The following CPB2 variants were observed in gnomAD, a reference collection of about 807,000 sequenced individuals.
CPB2 encodes carboxypeptidase B-like protein.
CPB2 carries 54 observed loss-of-function variants against 57.0 expected under a neutral mutation model. That is an observed-to-expected ratio of 0.95 (90% CI 0.76 to 1.19). The LOEUF (loss-of-function observed/expected upper bound fraction) is 1.19, where lower values mean the gene tolerates loss of function less well. CPB2 is among the 50% of genes most tolerant of loss of function. CPB2 has a pLI of 0.00. For missense variants in CPB2, 426 were observed against 512.0 expected (o/e 0.83, Z 1.62); for synonymous variants, 189 against 178.1 (o/e 1.06, Z -0.49).
At chr13:46,094,574 C>T in intron 1 of CPB2, among the ~76,000 whole-genome samples, 1 of 152,098 alleles carries the variant, frequency 6.6e-6, no homozygotes. Flanking sequence ...GTTAAGATCC[C>T]TGTATAGAGA....
intron 2 of CPB2, among the ~76,000 whole-genome samples, chr13:46,086,333 G>A (rs956762858): frequency 1.3e-5 from 2 of 152,182 alleles, no homozygotes; most frequent in African/African-American, 4.8e-5. Context: ...ACGTGGACAA[G>A]CGGAGGGTGA....
chr13:46,068,481 A>C (rs568247795), intron 6 of CPB2, among the ~76,000 whole-genome samples: 28 of 152,364 alleles, frequency 1.8e-4, no homozygotes, highest in African/African-American at 6.3e-4. Context: ...GTCAGAAATA[A>C]AAGGTTAATG....
intron 2 of CPB2, among the ~76,000 whole-genome samples, chr13:46,084,589 C>A (rs2045171467): frequency 6.6e-6 from 1 of 151,926 alleles, no homozygotes. Flanking sequence ...ACAAGATAAT[C>A]CATAAATATT....
intron 2 of CPB2, among the ~76,000 whole-genome samples, chr13:46,086,572 G>T (rs1189861589): frequency 6.6e-6 from 1 of 152,198 alleles, no homozygotes; most frequent in Non-Finnish European, 1.5e-5. Context: ...AGTGAGTGCT[G>T]ATTGGTTCAT....
At chr13:46,058,106 G>A in intron 9 of CPB2, 73 bp downstream of exon 9, 1 of 1,446,406 alleles carries the variant, frequency 6.9e-7, no homozygotes, top group Non-Finnish European at 9.5e-7. Flanking sequence ...ATTTTTCCCA[G>A]TTTTTGATTC....
chr13:46,056,460 T>C (rs2044698137), intron 9 of CPB2, among the ~76,000 whole-genome samples: 1 of 152,218 alleles, frequency 6.6e-6, no homozygotes, highest in Non-Finnish European at 1.5e-5. Context: ...TTCTCACTTA[T>C]CTGGAACTTT....
intron 6 of CPB2, among the ~76,000 whole-genome samples, chr13:46,070,336 G>A (rs142246089): frequency 4.1e-4 from 63 of 152,098 alleles, no homozygotes; most frequent in African/African-American, 1.5e-3. Context: ...TTGTTTATTG[G>A]GTATATTGAG....
intron 5 of CPB2, among the ~76,000 whole-genome samples, chr13:46,078,402 T>A (rs887246636): frequency 6.6e-6 from 1 of 152,166 alleles, no homozygotes; most frequent in South Asian, 2.1e-4. Context: ...TTTATGGAAA[T>A]GTTAAATGGC....
At chr13:46,093,970 T>C (rs1378638631) in intron 1 of CPB2, among the ~76,000 whole-genome samples, 3 of 152,364 alleles carry the variant, frequency 2.0e-5, no homozygotes, top group African/African-American at 7.2e-5. Context: ...TATGCTTTTC[T>C]GTATTATTTA....
Position 46,084,225 on chromosome 13 carries a change from G to A in CPB2, c.269C>T (p.Pro90Leu), listed in dbSNP as rs750961153. ...CGTATTGAACGGTGCCTACCTGCATGGAATTCCGCTCACATTTAAATGGGC... is the reference window on the plus strand; with the variant it reads ...CGTATTGAACGGTGCCTACCTGCATAGAATTCCGCTCACATTTAAATGGGC... ...VKAHLNVSGI[P>L]CSVLLADVED... The change falls in exon 3 of 11, where the codon CCA becomes CTA. Residue 90 changes from proline (P) to leucine (L), a missense_variant. Transcript: ENST00000181383. 1 of 1,614,102 alleles carries A rather than the reference G, an allele frequency of 6.2e-7. No individual in the cohort carries two copies. Among genetic ancestry groups the A allele is most frequent in the Non-Finnish European group, 8.5e-7 (1 of 1,179,990 alleles).
At chr13:46,080,370 A>G (rs2045093792) in intron 4 of CPB2, among the ~76,000 whole-genome samples, 1 of 152,216 alleles carries the variant, frequency 6.6e-6, no homozygotes, top group Non-Finnish European at 1.5e-5. Flanking sequence ...TGAGAGCAAA[A>G]TGCTTATGGT....
At chr13:46,092,011 T>C (rs892501102) in intron 1 of CPB2, among the ~76,000 whole-genome samples, 3 of 152,254 alleles carry the variant, frequency 2.0e-5, no homozygotes, top group African/African-American at 7.2e-5. Context: ...AGCATGTTGG[T>C]GGCATTTGCC....
At chr13:46,079,551 A>AG (rs1555309763) in intron 4 of CPB2, among the ~76,000 whole-genome samples, 2 of 124,706 alleles carry the variant, frequency 1.6e-5, no homozygotes. Context: ...AAAAAAAAAA[A>AG]AAAAGAAAAG....
At chr13:46,091,541 G>C (rs918649259) in intron 1 of CPB2, among the ~76,000 whole-genome samples, 4 of 152,146 alleles carry the variant, frequency 2.6e-5, no homozygotes, top group Middle Eastern at 3.2e-3. Flanking sequence ...TCTTTGTTAA[G>C]AGTTTTTATG....
intron 4 of CPB2, among the ~76,000 whole-genome samples, chr13:46,080,708 C>G (rs760582604): frequency 2.8e-4 from 42 of 152,096 alleles, no homozygotes; most frequent in Non-Finnish European, 4.7e-4. Flanking sequence ...TGGTGGCTCA[C>G]ACCTGTAATC....
intron 1 of CPB2, among the ~76,000 whole-genome samples, chr13:46,102,339 T>G (rs1175627409): frequency 6.6e-6 from 1 of 152,184 alleles, no homozygotes; most frequent in Non-Finnish European, 1.5e-5. Context: ...TTTTACCCTT[T>G]ATAGTGTTTG....
chr13:46,076,697 G>C (rs1164735656), intron 5 of CPB2, among the ~76,000 whole-genome samples: 2 of 151,970 alleles, frequency 1.3e-5, no homozygotes, highest in African/African-American at 4.8e-5. Flanking sequence ...AATGAGCAAA[G>C]CTGGAGTACT....
intron 1 of CPB2, among the ~76,000 whole-genome samples, chr13:46,094,524 A>T (rs1265505181): frequency 2.0e-5 from 3 of 152,202 alleles, no homozygotes; most frequent in African/African-American, 7.2e-5. Context: ...ACTACAGGAC[A>T]TGCCATTACA....
At chr13:46,057,428 A>C (rs2044712154) in intron 9 of CPB2, among the ~76,000 whole-genome samples, 1 of 152,218 alleles carries the variant, frequency 6.6e-6, no homozygotes, top group African/African-American at 2.4e-5. Flanking sequence ...AGTCACTAAG[A>C]AACAAGCTAC....
Sources: allele counts gnomAD v4.1 joint callset (sites outside exome capture counted in the v4.1 genomes callset), GRCh38; gene constraint gnomAD v4.1.1; transcripts MANE v1.5; gene names NCBI Gene and HGNC (gene_info 2026-07-23, HGNC 2026-07-21).